Variants in ONECUT2 observed in about 807,000 individuals in gnomAD.
ONECUT2 encodes the protein one cut homeobox 2.
A neutral mutation model predicts 27.9 loss-of-function variants in ONECUT2; 10 were observed. The observed-to-expected ratio is 0.36, with a 90% CI of 0.22 to 0.61. The LOEUF is 0.61. ONECUT2 is among the 20% of genes least tolerant of loss of function. ONECUT2 has a pLI of 0.73. For missense variants in ONECUT2, 686 were observed against 721.0 expected (o/e 0.95, Z 0.56); for synonymous variants, 334 against 315.1 (o/e 1.06, Z -0.64).
intron 1 of ONECUT2, among the ~76,000 whole-genome samples, chr18:57,474,486 G>A (rs1228699567): frequency 6.6e-6 from 1 of 152,124 alleles, no homozygotes; most frequent in African/African-American, 2.4e-5. Context: ...AGGTGCCAGC[G>A]GATTCAGCGT....
chr18:57,470,832 G>A (rs980955095), intron 1 of ONECUT2, among the ~76,000 whole-genome samples: 4 of 151,830 alleles, frequency 2.6e-5, no homozygotes. Flanking sequence ...CCTCTGTTCG[G>A]GAATGGGCCC....
intron 1 of ONECUT2, among the ~76,000 whole-genome samples, chr18:57,447,738 T>C (rs770974488): frequency 6.6e-5 from 10 of 152,066 alleles, no homozygotes; most frequent in Admixed American, 2.0e-4. Context: ...AGATGCATGC[T>C]CCTGATTTTT....
intron 1 of ONECUT2, among the ~76,000 whole-genome samples, chr18:57,448,050 A>G (rs376176575): frequency 2.0e-5 from 3 of 152,278 alleles, no homozygotes; most frequent in African/African-American, 4.8e-5. Context: ...GCCTTTTTCA[A>G]TCAGTTGCTT....
At chr18:57,456,098 A>T (rs1199485669) in intron 1 of ONECUT2, among the ~76,000 whole-genome samples, 1 of 152,232 alleles carries the variant, frequency 6.6e-6, no homozygotes, top group Non-Finnish European at 1.5e-5. Context: ...AAATGTTGGC[A>T]AGGATGTGGA....
chr18:57,467,217 G>T (rs767863236), intron 1 of ONECUT2: 1 of 456,214 alleles, frequency 2.2e-6, no homozygotes, highest in South Asian at 1.6e-5. Context: ...GCCTCCAGCC[G>T]ACAGTAAGTG....
Position 57,476,673 on chromosome 18 carries a change from C to T in ONECUT2, c.1465C>T (p.Leu489=), listed in dbSNP as rs370431229. The change falls in exon 2 of 2, where the codon CTG becomes TTG. Residue 489 remains leucine, a synonymous_variant. Coordinates refer to ENST00000491143, the MANE Select transcript of ONECUT2 (RefSeq NM_004852.3). The part of the protein sequence containing the change: ...RRSLEKWQDD[L]STGGSSSTSS... Reference sequence around the variant, plus strand: ...CAGCCTGGAGAAGTGGCAAGACGATCTGAGCACAGGGGGCTCCTCGTCCAC... The same window carrying T: ...CAGCCTGGAGAAGTGGCAAGACGATTTGAGCACAGGGGGCTCCTCGTCCAC... 3.8e-5 allele frequency: 62 copies of T among 1,614,064 alleles called. No homozygotes were observed. Among genetic ancestry groups the T allele is most frequent in the Non-Finnish European group, 4.0e-5 (47 of 1,180,040 alleles).
intron 1 of ONECUT2, among the ~76,000 whole-genome samples, chr18:57,441,963 C>A (rs2050176768): frequency 6.6e-6 from 1 of 152,070 alleles, no homozygotes; most frequent in Non-Finnish European, 1.5e-5. Flanking sequence ...GGAACCCCTG[C>A]CCCACCCCTT....
intron 1 of ONECUT2, among the ~76,000 whole-genome samples, chr18:57,452,656 C>T (rs1472380043): frequency 1.3e-5 from 2 of 152,208 alleles, no homozygotes; most frequent in African/African-American, 4.8e-5. Flanking sequence ...AACTCCTGAC[C>T]TCAGGTGATC....
Position 57,481,813 on chromosome 18 carries a change from G to A in ONECUT2, c.*5090G>A, listed in dbSNP as rs2050417328. The stretch of plus-strand genomic sequence containing the variant: ...AAAAGTGGAGAAAAAGATAATACAT[G>A]TGGTCAAGGTTGACCACAAGGCCCA... On this transcript the variant is annotated 3_prime_UTR_variant, in exon 2 of 2. Transcript: ENST00000491143. The A allele has an allele frequency of 1.3e-5, 2 of 152,204 alleles. No individual in the cohort carries two copies. The highest frequency in any genetic ancestry group is 4.1e-4 in the South Asian group (2 of 4,832). 9.4% of individuals were successfully genotyped at this position (152,204 alleles called of 1,614,324 possible). A position where few individuals can be genotyped will look rare whatever the true frequency, so the allele number is the denominator to read the frequency against.
At chr18:57,465,242 A>G (rs2050315118) in intron 1 of ONECUT2, among the ~76,000 whole-genome samples, 1 of 152,168 alleles carries the variant, frequency 6.6e-6, no homozygotes, top group Non-Finnish European at 1.5e-5. Context: ...GGCTCACCAC[A>G]GTCTCAACCC....
chr18:57,451,712 G>C (rs1416041249), intron 1 of ONECUT2, among the ~76,000 whole-genome samples: 1 of 152,178 alleles, frequency 6.6e-6, no homozygotes, highest in Non-Finnish European at 1.5e-5. Flanking sequence ...TGATTGGATT[G>C]GAGGGTAAAG....
rs1032740148 is a variant in ONECUT2, at chr18:57,455,352, G to A, written c.1228+18408G>A. On this transcript the variant is annotated intron_variant, in intron 1 of 1. Coordinates refer to ENST00000491143, the MANE Select transcript of ONECUT2 (RefSeq NM_004852.3). ...TATTTGATAATATTTTGAAGCCATG[G>A]GCCACCGAATTCTCAACATGCAAGT... 2.0e-4 allele frequency among the ~76,000 whole-genome samples: 30 copies of A among 152,054 alleles called. 1 individual carries two copies. Among genetic ancestry groups the A allele is most frequent in the Admixed American group, 1.6e-3 (24 of 15,274 alleles).
chr18:57,436,693 C>A lies in ONECUT2; in HGVS notation c.977C>A (p.Thr326Lys). The A allele has an allele frequency of 1.2e-6, 2 of 1,613,462 alleles. No homozygotes were observed. Among genetic ancestry groups the A allele is most frequent in the Non-Finnish European group, 1.7e-6 (2 of 1,179,996 alleles). The change falls in exon 1 of 2, where the codon ACG becomes AAG. Residue 326 changes from threonine (T) to lysine (K), a missense_variant. By Grantham distance (78) the Thr-to-Lys change is moderately conservative (BLOSUM62 -1). Coordinates refer to ENST00000491143, the MANE Select transcript of ONECUT2 (RefSeq NM_004852.3). The surrounding 1 kb of genome is among the most constrained non-coding windows in gnomAD (Gnocchi z 5.9). Reference sequence around the variant, plus strand: ...TCCTCATCGGGCTCGCAGGTGGCCACGTCGGGCCAGCTGGAAGAAATCAAC... The same window carrying A: ...TCCTCATCGGGCTCGCAGGTGGCCAAGTCGGGCCAGCTGGAAGAAATCAAC... ...PSSSSGSQVA[T>K]SGQLEEINTK... is the part of the protein sequence containing the mutation.
rs541237307 is a variant in ONECUT2, at chr18:57,484,010, G to A, written c.*7287G>A. The A allele has an allele frequency of 6.6e-6, 1 of 152,668 alleles. No individual in the cohort carries two copies. Among genetic ancestry groups the A allele is most frequent in the East Asian group, 1.9e-4 (1 of 5,184 alleles). 9.5% of individuals were successfully genotyped at this position (152,668 alleles called of 1,614,324 possible). Reference sequence around the variant, plus strand: ...CAATGACTATTCAGCCTGAACCTGTGCATTCAGAAAACATAAGCTGAGACC... The same window carrying A: ...CAATGACTATTCAGCCTGAACCTGTACATTCAGAAAACATAAGCTGAGACC... On this transcript the variant is annotated 3_prime_UTR_variant, in exon 2 of 2. Transcript: ENST00000491143.
intron 1 of ONECUT2, among the ~76,000 whole-genome samples, chr18:57,463,588 T>G (rs941852632): frequency 3.9e-5 from 6 of 152,188 alleles, no homozygotes; most frequent in Admixed American, 1.3e-4. Flanking sequence ...GAATTAAAAC[T>G]CTTCACAATA....
chr18:57,437,338 C>CCCT (rs1392395308), intron 1 of ONECUT2, among the ~76,000 whole-genome samples: 1 of 152,196 alleles, frequency 6.6e-6, no homozygotes, highest in African/African-American at 2.4e-5. Context: ...CCAGGACCTG[C>CCCT]CCTTATTCAA....
At chr18:57,466,597 T>C (rs1485450341) in intron 1 of ONECUT2, among the ~76,000 whole-genome samples, 1 of 152,204 alleles carries the variant, frequency 6.6e-6, no homozygotes, top group African/African-American at 2.4e-5. Flanking sequence ...GCAGAAGAGA[T>C]GACTGGGAAT....
chr18:57,472,583 T>C (rs1300686451), intron 1 of ONECUT2, among the ~76,000 whole-genome samples: 1 of 152,196 alleles, frequency 6.6e-6, no homozygotes, highest in African/African-American at 2.4e-5. Flanking sequence ...TTTGTTGCTG[T>C]GGCATCTGGT....
chr18:57,488,095 C>T lies in ONECUT2; in HGVS notation c.*11372C>T, dbSNP rs995691696. 3 of 152,518 alleles carry T rather than the reference C, an allele frequency of 2.0e-5. No individual in the cohort carries two copies. The highest frequency in any genetic ancestry group is 2.9e-5 in the Non-Finnish European group (2 of 68,036). 9.4% of individuals were successfully genotyped at this position (152,518 alleles called of 1,614,324 possible). A position where few individuals can be genotyped will look rare whatever the true frequency, so the allele number is the denominator to read the frequency against. On this transcript the variant is annotated 3_prime_UTR_variant, in exon 2 of 2. Transcript: ENST00000491143. The stretch of plus-strand genomic sequence containing the variant: ...TCTGTCAATGAGGGTATATTGGGAA[C>T]GTGCTCTCGTGAATAATAAAAAGCA...
Sources: allele counts gnomAD v4.1 joint callset (sites outside exome capture counted in the v4.1 genomes callset), GRCh38; gene constraint gnomAD v4.1.1; non-coding constraint Gnocchi (gnomAD v3.1); transcripts MANE v1.5; gene names NCBI Gene and HGNC (gene_info 2026-07-23, HGNC 2026-07-21).